Variants in KALRN observed in about 807,000 individuals in gnomAD.
The protein encoded by KALRN is kalirin.
In KALRN, 70 loss-of-function variants were observed where a neutral mutation model predicts 353.7. The observed-to-expected ratio is 0.20, with a 90% CI of 0.16 to 0.24. The LOEUF (loss-of-function observed/expected upper bound fraction) is 0.24. KALRN is among the 10% of genes least tolerant of loss of function. The pLI is 1.00. For missense variants in KALRN, 2,791 were observed against 3,756.7 expected (o/e 0.74, Z 6.72); for synonymous variants, 1,391 against 1,434.8 (o/e 0.97, Z 0.69).
intron 1 of KALRN, among the ~76,000 whole-genome samples, chr3:124,034,139 C>G (rs2039169704): frequency 1.3e-5 from 2 of 152,172 alleles, no homozygotes; most frequent in African/African-American, 4.8e-5. Context: ...CTTTGCAGCG[C>G]GCCGCTCCGG....
At chr3:124,404,812 A>G (rs1284150086) in intron 13 of KALRN, among the ~76,000 whole-genome samples, 1 of 152,128 alleles carries the variant, frequency 6.6e-6, no homozygotes, top group Non-Finnish European at 1.5e-5. Context: ...ACACAGAGCC[A>G]TTAGTCTGCA....
At chr3:124,495,167 C>T (rs1279020821) in intron 32 of KALRN, among the ~76,000 whole-genome samples, 2 of 152,142 alleles carry the variant, frequency 1.3e-5, no homozygotes, top group Non-Finnish European at 1.5e-5. Context: ...CAGGAGATGG[C>T]CTTAGCTGAC....
At chr3:124,493,637 C>G (rs908023133) in intron 32 of KALRN, among the ~76,000 whole-genome samples, 2 of 152,204 alleles carry the variant, frequency 1.3e-5, no homozygotes, top group African/African-American at 4.8e-5. Context: ...TTCCCTCCTC[C>G]CCTGTACCTG....
intron 25 of KALRN, among the ~76,000 whole-genome samples, chr3:124,465,019 G>A (rs1405001303): frequency 6.6e-6 from 1 of 152,020 alleles, no homozygotes; most frequent in East Asian, 1.9e-4. Flanking sequence ...CGCACTAAAG[G>A]CAAATAACTG....
At chr3:124,261,233 C>T (rs73188175) in intron 3 of KALRN, among the ~76,000 whole-genome samples, 1,889 of 152,214 alleles carry the variant, frequency 0.012, 17 homozygotes, top group South Asian at 0.025. Flanking sequence ...CGCTTAGCCA[C>T]TTACTAGTTA....
At chr3:124,414,195 C>T (rs1576723928) in intron 14 of KALRN, among the ~76,000 whole-genome samples, 1 of 152,198 alleles carries the variant, frequency 6.6e-6, no homozygotes, top group Non-Finnish European at 1.5e-5. Flanking sequence ...CCAGGGTTTC[C>T]TGGTCTGCAG....
chr3:124,085,137 GC>G (rs942726451), intron 1 of KALRN, among the ~76,000 whole-genome samples: 1 of 152,234 alleles, frequency 6.6e-6, no homozygotes, highest in African/African-American at 2.4e-5. Flanking sequence ...GGGAGTCAGA[GC>G]CCATTGTACA....
intron 1 of KALRN, among the ~76,000 whole-genome samples, chr3:124,091,051 C>T (rs145663769): frequency 2.6e-5 from 4 of 152,204 alleles, no homozygotes; most frequent in Non-Finnish European, 5.9e-5. Context: ...GTCCAACCCA[C>T]CCTTGAAATG....
At chr3:124,697,202 G>A (rs748979906) in intron 54 of KALRN, among the ~76,000 whole-genome samples, 2 of 152,208 alleles carry the variant, frequency 1.3e-5, no homozygotes, top group Non-Finnish European at 2.9e-5. Context: ...CTGGCACTAC[G>A]TTTTAAGTGA....
At chr3:124,100,163 CA>C (rs1043768904) in intron 1 of KALRN, among the ~76,000 whole-genome samples, 5 of 150,072 alleles carry the variant, frequency 3.3e-5, no homozygotes, top group Non-Finnish European at 5.9e-5. Context: ...GACTCAGTCT[CA>C]AAAAAAAAGA....
chr3:124,035,800 G>A (rs2039357846), intron 1 of KALRN, among the ~76,000 whole-genome samples: 1 of 152,338 alleles, frequency 6.6e-6, no homozygotes, highest in South Asian at 2.1e-4. Context: ...GGATTCCTAT[G>A]TTGGGGATAT....
chr3:124,467,385 T>C (rs76955412), intron 25 of KALRN, among the ~76,000 whole-genome samples: 2,577 of 152,238 alleles, frequency 0.017, 86 homozygotes, highest in East Asian at 0.082. Flanking sequence ...GCCCTCTGGG[T>C]TCTGAGAATG....
chr3:124,466,275 C>T (rs902131086), intron 25 of KALRN, among the ~76,000 whole-genome samples: 30 of 152,192 alleles, frequency 2.0e-4, no homozygotes, highest in African/African-American at 7.0e-4. Context: ...CACTACTTCT[C>T]TTTCCTACAG....
At chr3:124,359,172 C>T (rs2083744152) in intron 10 of KALRN, among the ~76,000 whole-genome samples, 1 of 152,186 alleles carries the variant, frequency 6.6e-6, no homozygotes, top group South Asian at 2.1e-4. Flanking sequence ...TCTATGCAGC[C>T]TCAGGCTGCA....
At chr3:124,632,799 T>C in intron 35 of KALRN, 96 bp downstream of exon 35, 1 of 1,155,490 alleles carries the variant, frequency 8.7e-7, no homozygotes, top group Non-Finnish European at 1.2e-6. Flanking sequence ...AAATCTCCAT[T>C]AGTGTGTTAC....
At chr3:124,268,493 A>C in intron 4 of KALRN, 2 of 512,762 alleles carry the variant, frequency 3.9e-6, no homozygotes, top group Non-Finnish European at 3.5e-6. Flanking sequence ...ACACAAAAGC[A>C]GTTCTTCTGG....
At chr3:124,365,209 G>C (rs2084520039) in intron 10 of KALRN, among the ~76,000 whole-genome samples, 1 of 152,108 alleles carries the variant, frequency 6.6e-6, no homozygotes, top group Non-Finnish European at 1.5e-5. Context: ...CTGAAATACA[G>C]TTTATGTTTT....
At chr3:124,558,126 T>TA (rs1288856253) in intron 33 of KALRN, among the ~76,000 whole-genome samples, 3 of 151,762 alleles carry the variant, frequency 2.0e-5, no homozygotes, top group Non-Finnish European at 4.4e-5. Context: ...AAGATTACTT[T>TA]AAAAAAAAGG....
chr3:124,488,358 G>A lies in KALRN; in HGVS notation c.4396+43G>A, dbSNP rs199749911. On this transcript the variant is annotated intron_variant, in intron 29 of 59. Coordinates refer to ENST00000682506, the MANE Select transcript of KALRN (RefSeq NM_001388419.1). ...ACTGGGGAAGCCTCCTCTCTTCCTT[G>A]ACACGGGGGAGCTTGTATCATGGGA... The A allele has an allele frequency of 3.2e-5, 40 of 1,254,366 alleles. No homozygotes were observed. The Admixed American group carries it at 6.4e-4, about 20-fold the overall frequency. 77.7% of individuals were successfully genotyped at this position (1,254,366 alleles called of 1,614,324 possible). A position where few individuals can be genotyped will look rare whatever the true frequency, so the allele number is the denominator to read the frequency against.
Sources: allele counts gnomAD v4.1 joint callset (sites outside exome capture counted in the v4.1 genomes callset), GRCh38; gene constraint gnomAD v4.1.1; transcripts MANE v1.5; gene names NCBI Gene and HGNC (gene_info 2026-07-23, HGNC 2026-07-21).